The following ADCY5 variants were observed in gnomAD, a reference collection of about 807,000 sequenced individuals.
ADCY5 encodes the protein adenylate cyclase type 5.
Under a neutral mutation model 119.7 loss-of-function variants are expected in ADCY5, and 30 were observed. The observed-to-expected ratio is 0.25, with a 90% CI of 0.19 to 0.34. ADCY5 has a LOEUF of 0.34. ADCY5 is among the 10% of genes least tolerant of loss of function. The pLI, the probability that ADCY5 is intolerant of heterozygous loss-of-function variation, is 1.00. For synonymous variants in ADCY5, 753 were observed against 762.2 expected (o/e 0.99, Z 0.20); for missense variants, 1,324 against 1,775.2 (o/e 0.75, Z 4.57).
chr3:123,325,198 T>C, intron 8 of ADCY5, 124 bp downstream of exon 8: 2 of 1,304,420 alleles, frequency 1.5e-6, no homozygotes, highest in Non-Finnish European at 2.1e-6. Flanking sequence ...ACCGCACTTG[T>C]ATTTGCTTGT....
intron 1 of ADCY5, among the ~76,000 whole-genome samples, chr3:123,385,310 C>CACACACACAT (rs1553742302): frequency 6.6e-6 from 1 of 151,744 alleles, no homozygotes; most frequent in African/African-American, 2.4e-5. Flanking sequence ...CACACACACA[C>CACACACACAT]GCACGCACGA....
At chr3:123,379,510 C>T (rs914442617) in intron 1 of ADCY5, among the ~76,000 whole-genome samples, 3 of 152,148 alleles carry the variant, frequency 2.0e-5, no homozygotes, top group East Asian at 1.9e-4. Context: ...CAAGGAGCAG[C>T]GGGTTTGCAA....
At position 123,447,710 on chromosome 3, in the gene ADCY5, C is replaced by A; in HGVS notation, c.836G>T (p.Gly279Val). 7 of 1,598,616 alleles carry A rather than the reference C, an allele frequency of 4.4e-6. No homozygotes were observed. Among genetic ancestry groups the A allele is most frequent in the South Asian group, 1.1e-5 (1 of 89,570 alleles). Residue 279 changes from glycine to valine, a missense_variant, in exon 1 of 21, where the codon GGC becomes GTC. This residue lies in a region of ADCY5 where 585 missense variants were observed against 569.9 expected (regional missense o/e 1.03). Transcript: ENST00000462833. The stretch of plus-strand genomic sequence containing the variant: ...AAGCACAGCCATGATGAGGATCACG[C>A]CGACGGCGGCCGCCAGCACGGCCAG... ...PYLAVLAAAVGVILIMAVLCN... is the reference protein window; with the variant it reads ...PYLAVLAAAVVVILIMAVLCN...
At chr3:123,367,751 G>C in intron 1 of ADCY5, 1 of 1,142,766 alleles carries the variant, frequency 8.8e-7, no homozygotes, top group Non-Finnish European at 1.2e-6. Context: ...CTTCCCTCGT[G>C]CCTTCCCCCA....
rs1181084830 is a variant in ADCY5 at position 123,286,019 on chromosome 3, G to A, written c.3657+666C>T. ...CCTGGAAAAACAGGCCAGGCAAGCT[G>A]ACCTCCCACAGCCTCACAGAGAACT... On this transcript the variant is annotated intron_variant, in intron 20 of 20. Transcript: ENST00000462833. The surrounding 1 kb of genome is among the most constrained non-coding windows in gnomAD (Gnocchi z 4.2). 6.6e-6 allele frequency among the ~76,000 whole-genome samples: 1 copy of A among 152,240 alleles called. No individual in the cohort carries two copies. The highest frequency in any genetic ancestry group is 2.4e-5 in the African/African-American group (1 of 41,462).
At chr3:123,378,892 G>A (rs1247737447) in intron 1 of ADCY5, among the ~76,000 whole-genome samples, 1 of 152,198 alleles carries the variant, frequency 6.6e-6, no homozygotes, top group Non-Finnish European at 1.5e-5. Context: ...AAGAAGAGGT[G>A]AGAAATGACG....
At chr3:123,363,470 C>T (rs1178561978) in intron 1 of ADCY5, among the ~76,000 whole-genome samples, 3 of 152,198 alleles carry the variant, frequency 2.0e-5, no homozygotes, top group African/African-American at 7.2e-5. Flanking sequence ...TTCATACCCT[C>T]TGACCCAATA....
rs1051146620 is a variant in ADCY5 at position 123,347,682 on chromosome 3, C to T, written c.1406+100G>A. On this transcript the variant is annotated intron_variant, in intron 3 of 20. Transcript: ENST00000462833. Reference sequence around the variant, plus strand: ...GATGACACACTCCAAAGTCACCAAGCCACCCTGTCGGGCTGTGCCCACTTG... The same window carrying T: ...GATGACACACTCCAAAGTCACCAAGTCACCCTGTCGGGCTGTGCCCACTTG... 2.7e-6 allele frequency: 4 copies of T among 1,478,698 alleles called. No individual in the cohort carries two copies. In the African/African-American group the frequency reaches 4.6e-5, roughly 17 times the overall value. The allele number at this position is 1,478,698 out of a possible 1,614,324, so 91.6% of individuals were successfully genotyped here.
Position 123,314,458 on chromosome 3 carries a change from T to C in ADCY5, c.2355-136A>G, listed in dbSNP as rs1485335887. 1.5e-5 allele frequency: 10 copies of C among 662,072 alleles called. No homozygotes were observed. In the African/African-American group the frequency reaches 1.8e-4, roughly 12 times the overall value. The allele number at this position is 662,072 out of a possible 1,614,324, so 41.0% of individuals were successfully genotyped here. A position where few individuals can be genotyped will look rare whatever the true frequency, so the allele number is the denominator to read the frequency against. ...GCTTCAGAGGGCCTGGGCTCTGAAA[T>C]CCAGAGAGGGAACCTGAAGTTGCTC... On this transcript the variant is annotated intron_variant, in intron 11 of 20. Transcript: ENST00000462833.
At chr3:123,306,161 A>G (rs780815281) in intron 12 of ADCY5, among the ~76,000 whole-genome samples, 13 of 152,246 alleles carry the variant, frequency 8.5e-5, no homozygotes, top group Non-Finnish European at 1.5e-4. Flanking sequence ...TGGAGAGCAT[A>G]AGCTTGTATT....
intron 1 of ADCY5, among the ~76,000 whole-genome samples, chr3:123,374,930 C>T (rs1239153252): frequency 6.6e-6 from 1 of 152,238 alleles, no homozygotes; most frequent in Non-Finnish European, 1.5e-5. Flanking sequence ...TGAGCTCACA[C>T]TGAAGGGTTG....
chr3:123,325,342 A>G lies in ADCY5; in HGVS notation c.2068T>C (p.Ser690Pro). Residue 690 changes from serine (S) to proline (P), a missense_variant, in exon 8 of 21, where the codon TCC (serine) becomes CCC (proline). By Grantham distance (74) the Ser-to-Pro change is moderately conservative. Coordinates refer to ENST00000462833, the MANE Select transcript of ADCY5 (RefSeq NM_183357.3). ...CTCACCATCCGCTTCATCTCCTTGGACACCTGGTTGCCACCCAGGTGGTTG... is the reference window on the plus strand; with the variant it reads ...CTCACCATCCGCTTCATCTCCTTGGGCACCTGGTTGCCACCCAGGTGGTTG... ...FYNHLGGNQV[S>P]KEMKRMGFED... The G allele has an allele frequency of 1.9e-6, 3 of 1,613,948 alleles. No individual in the cohort carries two copies. The South Asian group carries it at 3.3e-5, about 18-fold the overall frequency.
intron 1 of ADCY5, among the ~76,000 whole-genome samples, chr3:123,367,378 T>G (rs997318327): frequency 3.3e-5 from 5 of 152,206 alleles, no homozygotes; most frequent in Non-Finnish European, 7.3e-5. Context: ...CTGCTTCTCC[T>G]GCAGTTCTCT....
intron 1 of ADCY5, among the ~76,000 whole-genome samples, chr3:123,363,194 T>C (rs1159577001): frequency 8.8e-6 from 1 of 113,386 alleles, no homozygotes; most frequent in African/African-American, 3.2e-5. Flanking sequence ...AAATGGGTAA[T>C]GTGGATGAAT....
At chr3:123,362,818 TTTGCCAA>T (rs1943298381) in intron 1 of ADCY5, among the ~76,000 whole-genome samples, 1 of 152,106 alleles carries the variant, frequency 6.6e-6, no homozygotes, top group South Asian at 2.1e-4. Flanking sequence ...TACAAAGTAT[TTTGCCAA>T]TTAACAATAA....
chr3:123,402,447 G>A (rs1040526514), intron 1 of ADCY5, among the ~76,000 whole-genome samples: 6 of 152,316 alleles, frequency 3.9e-5, no homozygotes, highest in African/African-American at 9.6e-5. Context: ...TGACAATGCC[G>A]GCAGGATGCT....
intron 1 of ADCY5, among the ~76,000 whole-genome samples, chr3:123,421,695 C>T (rs1187540139): frequency 6.6e-6 from 1 of 152,206 alleles, no homozygotes; most frequent in Non-Finnish European, 1.5e-5. Context: ...ATGGAGCCCA[C>T]TGCCTTCCTT....
chr3:123,297,846 TA>T (rs1054389075), intron 15 of ADCY5, among the ~76,000 whole-genome samples: 10 of 152,156 alleles, frequency 6.6e-5, no homozygotes, highest in African/African-American at 2.4e-4. Context: ...ATAATTAGTG[TA>T]AAAAAAGGTA....
chr3:123,319,626 T>G (rs1259920859), intron 10 of ADCY5, 48 bp downstream of exon 10: 1 of 1,599,980 alleles, frequency 6.3e-7, no homozygotes, highest in East Asian at 2.2e-5. Flanking sequence ...CTCCTCCTCC[T>G]GGTCCTGGTT....
Sources: allele counts gnomAD v4.1 joint callset (sites outside exome capture counted in the v4.1 genomes callset), GRCh38; gene constraint gnomAD v4.1.1; regional missense constraint gnomAD v4.1.1; non-coding constraint Gnocchi (gnomAD v3.1); transcripts MANE v1.5; gene names NCBI Gene and HGNC (gene_info 2026-07-23, HGNC 2026-07-21).